Variants in TOP2A observed in about 807,000 individuals in gnomAD.
TOP2A encodes DNA topoisomerase 2-alpha.
In TOP2A, 68 loss-of-function variants were observed where a neutral mutation model predicts 187.2. That is an observed-to-expected ratio of 0.36 (90% CI 0.30 to 0.44). The LOEUF is 0.44. TOP2A is among the 20% of genes least tolerant of loss of function. The probability of loss-of-function intolerance (pLI) is 1.00; values close to 1 mark genes in which losing one functional copy is unlikely to be tolerated. For missense variants in TOP2A, 1,196 were observed against 1,808.7 expected, an observed-to-expected ratio of 0.66 and a Z score of 6.14; for synonymous variants, 542 against 593.2, an observed-to-expected ratio of 0.91 and a Z score of 1.25.
At position 40,389,390 on chromosome 17, in the gene TOP2A, TTTGA is replaced by T; in HGVS notation, c.*125_*128del. On this transcript the variant is annotated 3_prime_UTR_variant, in exon 35 of 35. Transcript: ENST00000423485. ...AAAGAACACTTGGGCTTTACTTCAC[TTTGA>T]TGTCTTGTACTAAAAACACCTTCCC... 9.5e-7 allele frequency: 1 copy of T among 1,056,058 alleles called. No homozygotes were observed. 65.4% of individuals were successfully genotyped at this position (1,056,058 alleles called of 1,614,324 possible). A position where few individuals can be genotyped will look rare whatever the true frequency, so the allele number is the denominator to read the frequency against.
intron 16 of TOP2A, among the ~76,000 whole-genome samples, 184 bp downstream of exon 16, chr17:40,406,200 C>CA (rs895284984): frequency 5.3e-5 from 8 of 152,140 alleles, no homozygotes; most frequent in African/African-American, 1.9e-4. Flanking sequence ...CAAGCCCAGC[C>CA]AAAAATCAAA....
intron 33 of TOP2A, 41 bp from the exon 34 acceptor site, chr17:40,390,205 T>C (rs763535253): frequency 1.9e-5 from 29 of 1,548,328 alleles, no homozygotes; most frequent in Non-Finnish European, 2.4e-5. Flanking sequence ...TGCTCTTTTT[T>C]TGAGATGGGG....
chr17:40,403,757 T>C (rs777118860), intron 19 of TOP2A, among the ~76,000 whole-genome samples: 15 of 152,152 alleles, frequency 9.9e-5, no homozygotes, highest in Non-Finnish European at 2.1e-4. Flanking sequence ...TATTGTTCTG[T>C]CTCTTTTTTT....
At chr17:40,399,696 C>T (rs2035152041) in intron 24 of TOP2A, among the ~76,000 whole-genome samples, 176 bp downstream of exon 24, 1 of 152,138 alleles carries the variant, frequency 6.6e-6, no homozygotes, top group African/African-American at 2.4e-5. Flanking sequence ...AAGGAAACAT[C>T]ATCTCTTTCA....
chr17:40,413,119 AC>A (rs1359028430), intron 6 of TOP2A, 75 bp downstream of exon 6: 1 of 1,320,476 alleles, frequency 7.6e-7, no homozygotes, highest in Non-Finnish European at 1.1e-6. Flanking sequence ...GTTAAATTAA[AC>A]CAATCATTAA....
chr17:40,417,887 C>G lies in TOP2A; in HGVS notation c.-96G>C. Reference sequence around the variant, plus strand: ...CGACCAAGCCGCTTCTCCACAGACGCGCGTCGGTTAGGAGAGCTCCACTTG... The same window carrying G: ...CGACCAAGCCGCTTCTCCACAGACGGGCGTCGGTTAGGAGAGCTCCACTTG... On this transcript the variant is annotated 5_prime_UTR_variant, in exon 1 of 35. Coordinates refer to ENST00000423485, the MANE Select transcript of TOP2A (RefSeq NM_001067.4). 1.3e-6 allele frequency: 2 copies of G among 1,560,378 alleles called. No homozygotes were observed. Among genetic ancestry groups the G allele is most frequent in the African/African-American group, 1.4e-5 (1 of 73,882 alleles).
intron 11 of TOP2A, 111 bp downstream of exon 11, chr17:40,408,381 G>A: frequency 8.5e-7 from 1 of 1,176,698 alleles, no homozygotes; most frequent in Non-Finnish European, 1.2e-6. Flanking sequence ...AAGTTATTCT[G>A]TTGAATATAG....
rs2035153538 is a variant in TOP2A, at chr17:40,399,860, C to T, written c.3196+12G>A. ...AGAGTTTTAGTAAGCAGTTATTATT[C>T]CCAAAACATACCAATGATTATTTTG... On this transcript the variant is annotated intron_variant, in intron 24 of 34. Coordinates refer to ENST00000423485, the MANE Select transcript of TOP2A (RefSeq NM_001067.4). 1 of 1,583,394 alleles carries T rather than the reference C, an allele frequency of 6.3e-7. No individual in the cohort carries two copies. Among genetic ancestry groups the T allele is most frequent in the Non-Finnish European group, 8.6e-7 (1 of 1,167,884 alleles).
chr17:40,392,779 C>T, intron 29 of TOP2A, 42 bp from the exon 30 acceptor site: 1 of 1,459,288 alleles, frequency 6.9e-7, no homozygotes, highest in Non-Finnish European at 9.3e-7. Context: ...TATATTAGAC[C>T]CACTTTTCTC....
intron 28 of TOP2A, among the ~76,000 whole-genome samples, chr17:40,395,915 A>AC (rs2035091000): frequency 6.7e-6 from 1 of 149,682 alleles, no homozygotes; most frequent in Non-Finnish European, 1.5e-5. Flanking sequence ...AATTTTATAC[A>AC]TTTTTTTTTC....
chr17:40,396,412 C>A lies in TOP2A; in HGVS notation c.3591G>T (p.Gly1197=). Residue 1197 remains glycine (G), a synonymous_variant, in exon 28 of 35, where the codon GGG becomes GGT. Coordinates refer to ENST00000423485, the MANE Select transcript of TOP2A (RefSeq NM_001067.4). The part of the protein sequence containing the change: ...QDEQVGLPGK[G]GKAKGKKTQM... ...GTGTTTTTTTCCCCTTGGCCTTCCC[C>A]CCTTTCCCAGGAAGTCCGACTTGTT... The A allele has an allele frequency of 6.2e-7, 1 of 1,613,914 alleles. No homozygotes were observed. The highest frequency in any genetic ancestry group is 1.3e-5 in the African/African-American group (1 of 75,032).
Position 40,411,754 on chromosome 17 carries a change from G to T in TOP2A, c.854C>A (p.Ser285Tyr), listed in dbSNP as rs1357640416. 2 of 1,612,062 alleles carry T rather than the reference G, an allele frequency of 1.2e-6. No homozygotes were observed. Among genetic ancestry groups the T allele is most frequent in the East Asian group, 2.2e-5 (1 of 44,846 alleles). Residue 285 changes from serine (S) to tyrosine (Y), a missense_variant, in exon 8 of 35, where the codon TCC becomes TAC. Ser to Tyr is a moderately radical substitution (Grantham distance 144). This residue lies in a region of TOP2A where 252 missense variants were observed against 434.8 expected (regional missense o/e 0.58). Coordinates refer to ENST00000423485, the MANE Select transcript of TOP2A (RefSeq NM_001067.4). The surrounding 1 kb of genome is among the most constrained non-coding windows in gnomAD (Gnocchi z 4.4). ...TACTTGTTCATGTATTACTTTCAAG[G>T]AGTTACCAGTTTCATCCAACTTGTC... ...LKDKLDETGN[S>Y]LKVIHEQVNH... is the part of the protein sequence containing the mutation.
rs756236434 is a variant in TOP2A at position 40,412,706 on chromosome 17, TGA to T, written c.789+51_789+52del. 143 of 1,463,016 alleles carry T rather than the reference TGA, an allele frequency of 9.8e-5. No homozygotes were observed. The Middle Eastern group carries it at 1.9e-3, about 20-fold the overall frequency. 90.6% of individuals were successfully genotyped at this position (1,463,016 alleles called of 1,614,324 possible). A position where few individuals can be genotyped will look rare whatever the true frequency, so the allele number is the denominator to read the frequency against. ...AGGGGAAAAAATTCAATTTTGCACT[TGA>T]CAATGATTACAAAATCCCTTATTAT... On this transcript the variant is annotated intron_variant, in intron 7 of 34. Coordinates refer to ENST00000423485, the MANE Select transcript of TOP2A (RefSeq NM_001067.4).
chr17:40,411,404 C>CA lies in TOP2A; in HGVS notation c.1014dup (p.Asp339Ter). ...CCCTTGTTCTTCTTCTTCACAACAT[C>CA]AACAAGTTTAGTCACAATCTGATCA... On this transcript the variant is annotated frameshift_variant, in exon 9 of 35. Transcript: ENST00000423485. LOFTEE classifies it high-confidence loss of function. The surrounding 1 kb of genome is among the most constrained non-coding windows in gnomAD (Gnocchi z 4.4). 1 of 1,613,852 alleles carries CA rather than the reference C, an allele frequency of 6.2e-7. No individual in the cohort carries two copies. The highest frequency in any genetic ancestry group is 8.5e-7 in the Non-Finnish European group (1 of 1,179,824).
chr17:40,405,539 C>T (rs1352808926), intron 16 of TOP2A, among the ~76,000 whole-genome samples: 4 of 150,662 alleles, frequency 2.7e-5, no homozygotes, highest in African/African-American at 9.8e-5. Context: ...ACTGCAAGCT[C>T]CGCCTCCTGG....
intron 27 of TOP2A, among the ~76,000 whole-genome samples, chr17:40,398,231 GCCT>G (rs773830565): frequency 4.1e-4 from 61 of 148,230 alleles, no homozygotes; most frequent in Admixed American, 1.3e-3. Flanking sequence ...TCCTGCCTCA[GCCT>G]CCTGAGTAAC....
intron 19 of TOP2A, 90 bp downstream of exon 19, chr17:40,404,062 G>A (rs2035211634): frequency 6.7e-7 from 1 of 1,496,390 alleles, no homozygotes; most frequent in African/African-American, 1.4e-5. Flanking sequence ...ATGAATATAT[G>A]AGCTTATACT....
chr17:40,392,868 A>G lies in TOP2A; in HGVS notation c.3812-131T>C, dbSNP rs577587520. Reference sequence around the variant, plus strand: ...AATACAATCGTGAAAAGAGACAGATATGGTCTCTGTTTTTGTGGTGCATAT... The same window carrying G: ...AATACAATCGTGAAAAGAGACAGATGTGGTCTCTGTTTTTGTGGTGCATAT... On this transcript the variant is annotated intron_variant, in intron 29 of 34. Transcript: ENST00000423485. 4.3e-4 allele frequency: 336 copies of G among 788,240 alleles called. 4 individuals are homozygous for G. In the East Asian group the frequency reaches 8.6e-3, roughly 20 times the overall value. 48.8% of individuals were successfully genotyped at this position (788,240 alleles called of 1,614,324 possible).
chr17:40,407,717 G>A, intron 12 of TOP2A, 43 bp from the exon 13 acceptor site: 1 of 1,513,534 alleles, frequency 6.6e-7, no homozygotes, highest in Non-Finnish European at 8.8e-7. Context: ...TTATAAATTT[G>A]AAAAGAACAA....
Sources: allele counts gnomAD v4.1 joint callset (sites outside exome capture counted in the v4.1 genomes callset), GRCh38; gene constraint gnomAD v4.1.1; regional missense constraint gnomAD v4.1.1; non-coding constraint Gnocchi (gnomAD v3.1); transcripts MANE v1.5; gene names NCBI Gene and HGNC (gene_info 2026-07-23, HGNC 2026-07-21).